The following ECH1 variants were observed in gnomAD, a reference collection of about 807,000 sequenced individuals.
The protein encoded by ECH1 is enoyl-CoA hydratase 1, also known as delta(3,5)-Delta(2,4)-dienoyl-CoA isomerase, mitochondrial.
Under a neutral mutation model 37.0 loss-of-function variants are expected in ECH1, and 30 were observed. The ratio of observed to expected loss-of-function variants is 0.81; its 90% CI spans 0.61 to 1.10. The LOEUF is 1.10. Among genes scored for constraint, ECH1 ranks in the 50% least tolerant of loss-of-function variants. ECH1 has a pLI of 0.00. For missense variants in ECH1, 456 were observed against 441.6 expected (o/e 1.03, Z -0.29); for synonymous variants, 178 against 176.0 (o/e 1.01, Z -0.09).
intron 3 of ECH1, chr19:38,819,141 A>G: frequency 9.1e-6 from 9 of 985,382 alleles, no homozygotes; most frequent in Non-Finnish European, 9.6e-6. Context: ...AAATGGCAGG[A>G]CAGAGAGGTG....
At chr19:38,817,993 C>T (rs889273345) in intron 3 of ECH1, among the ~76,000 whole-genome samples, 1 of 152,180 alleles carries the variant, frequency 6.6e-6, no homozygotes, top group African/African-American at 2.4e-5. Flanking sequence ...ACGATCATGG[C>T]TCACTGCAGC....
At chr19:38,821,874 G>C (rs796984952) in intron 3 of ECH1, among the ~76,000 whole-genome samples, 5 of 152,382 alleles carry the variant, frequency 3.3e-5, no homozygotes, top group African/African-American at 9.6e-5. Context: ...AAGGGCTGAG[G>C]AGTGCTCCGC....
In ECH1 at chr19:38,829,089, C is replaced by T. The variant is rs572882016; in HGVS notation, c.349+1989G>A. On this transcript the variant is annotated intron_variant, in intron 3 of 9. Transcript: ENST00000221418. ...CACTGGAGGCCAGGAGTTCAAGACC[C>T]GCCTGGCCAAAATGGTGAGACCCCG... Among the ~76,000 whole-genome samples, 389 of 150,686 alleles carry T rather than the reference C, an allele frequency of 2.6e-3. 1 individual carries two copies. Among genetic ancestry groups the T allele is most frequent in the African/African-American group, 9.1e-3 (374 of 41,200 alleles).
intron 3 of ECH1, among the ~76,000 whole-genome samples, chr19:38,825,132 C>A (rs781665583): frequency 5.9e-5 from 9 of 152,158 alleles, no homozygotes; most frequent in Non-Finnish European, 1.2e-4. Context: ...TTAGCTGCAG[C>A]CTGAGAGTTT....
Position 38,815,859 on chromosome 19 carries a change from C to G in ECH1, c.880G>C (p.Val294Leu), listed in dbSNP as rs1273522568. 2.5e-6 allele frequency: 4 copies of G among 1,614,148 alleles called. No homozygotes were observed. The highest frequency in any genetic ancestry group is 3.4e-6 in the Non-Finnish European group (4 of 1,180,022). ...DHSVAESLNY[V>L]ASWNMSMLQT... ...ATTGGTCGGAGCGTGCACCTTACCA[C>G]GTAGTTGAGGCTCTCGGCCACCGAA... Residue 294 changes from valine to leucine, a missense_variant and splice_region_variant, in exon 9 of 10, where the codon GTG becomes CTG. Val to Leu is a conservative substitution (Grantham distance 32). Coordinates refer to ENST00000221418, the MANE Select transcript of ECH1 (RefSeq NM_001398.3).
intron 3 of ECH1, chr19:38,830,850 G>C: frequency 1.8e-6 from 1 of 548,130 alleles, no homozygotes; most frequent in Non-Finnish European, 3.2e-6. Flanking sequence ...GCCCACGCCT[G>C]TAGTCCCAGA....
chr19:38,819,773 T>C (rs533834569), intron 3 of ECH1, among the ~76,000 whole-genome samples: 6 of 152,014 alleles, frequency 3.9e-5, no homozygotes, highest in South Asian at 4.2e-4. Flanking sequence ...TTGCAAGACC[T>C]CTTCTCTACA....
intron 3 of ECH1, among the ~76,000 whole-genome samples, chr19:38,821,112 T>A (rs932833312): frequency 6.6e-6 from 1 of 151,944 alleles, no homozygotes; most frequent in African/African-American, 2.4e-5. Context: ...GCCCTGCCTC[T>A]ACAAAAAGTG....
chr19:38,816,543 A>C lies in ECH1; in HGVS notation c.589-20T>G. ...CACCTCCTGGGGGAGGAATCGGGTC[A>C]GTGTTTGGTTTCTGCCCAATACTGT... On this transcript the variant is annotated intron_variant, in intron 6 of 9. Coordinates refer to ENST00000221418, the MANE Select transcript of ECH1 (RefSeq NM_001398.3). 6.2e-7 allele frequency: 1 copy of C among 1,613,888 alleles called. No individual in the cohort carries two copies. Among genetic ancestry groups the C allele is most frequent in the Non-Finnish European group, 8.5e-7 (1 of 1,179,924 alleles).
At chr19:38,816,248 G>A (rs1279924182) in intron 8 of ECH1, 36 bp downstream of exon 8, 2 of 1,608,762 alleles carry the variant, frequency 1.2e-6, no homozygotes, top group Non-Finnish European at 1.7e-6. Flanking sequence ...AGGCCTGGCT[G>A]CCCCCAGCAC....
In ECH1 at chr19:38,816,422, C is replaced by A. The variant is rs753195533; in HGVS notation, c.659+31G>T. 1.9e-6 allele frequency: 3 copies of A among 1,613,908 alleles called. No homozygotes were observed. In the Admixed American group the frequency reaches 5.0e-5, roughly 27 times the overall value. ...GGGCTGGGAGATGCTCTGGGGTCTCCTGCCCACACCCCCACACCCCCTGCA... is the reference window on the plus strand; with the variant it reads ...GGGCTGGGAGATGCTCTGGGGTCTCATGCCCACACCCCCACACCCCCTGCA... On this transcript the variant is annotated intron_variant, in intron 7 of 9. Coordinates refer to ENST00000221418, the MANE Select transcript of ECH1 (RefSeq NM_001398.3).
rs374648175 is a variant in ECH1, at chr19:38,815,875, G to C, written c.864C>G (p.Ala288=). 1.9e-6 allele frequency: 3 copies of C among 1,614,172 alleles called. No individual in the cohort carries two copies. In the East Asian group the frequency reaches 6.7e-5, roughly 36 times the overall value. ...NLLYSRDHSV[A]ESLNYVASWN... ...ACCTTACCACGTAGTTGAGGCTCTCGGCCACCGAATGGTCGCGGGAATACA... is the reference window on the plus strand; with the variant it reads ...ACCTTACCACGTAGTTGAGGCTCTCCGCCACCGAATGGTCGCGGGAATACA... Residue 288 remains alanine (A), a synonymous_variant, in exon 9 of 10, where the codon GCC becomes GCG. Coordinates refer to ENST00000221418, the MANE Select transcript of ECH1 (RefSeq NM_001398.3).
In ECH1 at chr19:38,816,538, G is replaced by A. The variant is rs1441636988; in HGVS notation, c.589-15C>T. 7 of 1,613,936 alleles carry A rather than the reference G, an allele frequency of 4.3e-6. No individual in the cohort carries two copies. The highest frequency in any genetic ancestry group is 1.1e-5 in the South Asian group (1 of 91,038). ...ACGTCCACCTCCTGGGGGAGGAATCGGGTCAGTGTTTGGTTTCTGCCCAAT... is the reference window on the plus strand; with the variant it reads ...ACGTCCACCTCCTGGGGGAGGAATCAGGTCAGTGTTTGGTTTCTGCCCAAT... On this transcript the variant is annotated splice_polypyrimidine_tract_variant and intron_variant, in intron 6 of 9. Coordinates refer to ENST00000221418, the MANE Select transcript of ECH1 (RefSeq NM_001398.3).
intron 3 of ECH1, among the ~76,000 whole-genome samples, chr19:38,822,676 G>A (rs1270890163): frequency 1.3e-5 from 2 of 152,180 alleles, no homozygotes; most frequent in Admixed American, 1.3e-4. Flanking sequence ...GAGAAGTTTT[G>A]TGTCTAGCTC....
Position 38,816,565 on chromosome 19 carries a change from C to T in ECH1, c.589-42G>A, listed in dbSNP as rs368363740. The T allele has an allele frequency of 1.8e-5, 29 of 1,607,762 alleles. No homozygotes were observed. In the East Asian group the frequency reaches 2.9e-4, roughly 16 times the overall value. Reference sequence around the variant, plus strand: ...GTCAGTGTTTGGTTTCTGCCCAATACTGTGCCCCTCGCAATGTCAACGTCC... The same window carrying T: ...GTCAGTGTTTGGTTTCTGCCCAATATTGTGCCCCTCGCAATGTCAACGTCC... On this transcript the variant is annotated intron_variant, in intron 6 of 9. Coordinates refer to ENST00000221418, the MANE Select transcript of ECH1 (RefSeq NM_001398.3).
chr19:38,831,762 C>G lies in ECH1; in HGVS notation c.11G>C (p.Gly4Ala), dbSNP rs1971830805. Residue 4 changes from glycine (G) to alanine (A), a missense_variant, in exon 1 of 10, where the codon GGG becomes GCG. Transcript: ENST00000221418. ...GCGGAGTCTGCGAGAAGCCACTATC[C>G]CCGCCGCCATCGCCGCCGCCTTCGT... MAA[G>A]IVASRRLRDL... is the part of the protein sequence containing the mutation. 1.9e-6 allele frequency: 3 copies of G among 1,613,268 alleles called. No homozygotes were observed. Among genetic ancestry groups the G allele is most frequent in the African/African-American group, 1.3e-5 (1 of 74,930 alleles).
chr19:38,816,431 C>G lies in ECH1; in HGVS notation c.659+22G>C, dbSNP rs763381432. ...GATGCTCTGGGGTCTCCTGCCCACA[C>G]CCCCACACCCCCTGCACCCACCTCT... On this transcript the variant is annotated intron_variant, in intron 7 of 9. Coordinates refer to ENST00000221418, the MANE Select transcript of ECH1 (RefSeq NM_001398.3). The G allele has an allele frequency of 2.5e-5, 40 of 1,613,878 alleles. No individual in the cohort carries two copies. The Admixed American group carries it at 6.2e-4, about 25-fold the overall frequency.
At position 38,815,679 on chromosome 19, in the gene ECH1, G is replaced by A. The variant is rs770617489; in HGVS notation, c.921C>T (p.Leu307=). 3 of 1,614,194 alleles carry A rather than the reference G, an allele frequency of 1.9e-6. No homozygotes were observed. The highest frequency in any genetic ancestry group is 2.5e-6 in the Non-Finnish European group (3 of 1,180,050). Residue 307 remains leucine, a synonymous_variant, in exon 10 of 10, where the codon CTC becomes CTT. Transcript: ENST00000221418. ...WNMSMLQTQD[L]VKSVQATTEN... ...CAGTCGTGGCCTGGACCGACTTCAC[G>A]AGGTCTTGGGTCTGCAGCATGCTCA... is the stretch of plus-strand genomic sequence containing the variant.
At chr19:38,817,985 G>A (rs551696189) in intron 3 of ECH1, among the ~76,000 whole-genome samples, 12 of 152,252 alleles carry the variant, frequency 7.9e-5, no homozygotes, top group Admixed American at 2.0e-4. Context: ...GCAGTGGCAC[G>A]ATCATGGCTC....
Sources: gnomAD v4.1 joint callset for allele counts (sites outside exome capture counted in the v4.1 genomes callset) on GRCh38, gnomAD v4.1.1 for gene constraint, MANE v1.5 for transcripts, NCBI Gene and HGNC (gene_info 2026-07-23, HGNC 2026-07-21) for gene names.